The following SLC25A13 variants were observed in gnomAD, a reference collection of about 807,000 sequenced individuals.
SLC25A13 encodes electrogenic aspartate/glutamate antiporter SLC25A13, mitochondrial.
A neutral mutation model predicts 85.5 loss-of-function variants in SLC25A13; 70 were observed. The ratio of observed to expected loss-of-function variants is 0.82; its 90% confidence interval spans 0.68 to 1.00. The LOEUF (loss-of-function observed/expected upper bound fraction) is 1.00, where lower values mean the gene tolerates loss of function less well. SLC25A13 is among the 50% of genes least tolerant of loss of function. The pLI is 0.00. For synonymous variants in SLC25A13, 259 were observed against 288.7 expected (o/e 0.90, Z 1.04); for missense variants, 765 against 819.8 (o/e 0.93, Z 0.82).
chr7:96,223,743 G>C (rs1387282444), intron 4 of SLC25A13, among the ~76,000 whole-genome samples: 2 of 139,362 alleles, frequency 1.4e-5, no homozygotes, highest in African/African-American at 5.3e-5. Context: ...AGCCGAGATT[G>C]TGCCACTGCA....
intron 4 of SLC25A13, among the ~76,000 whole-genome samples, chr7:96,226,372 T>C (rs749505510): frequency 2.0e-5 from 3 of 152,206 alleles, no homozygotes; most frequent in Non-Finnish European, 4.4e-5. Context: ...ATTCTATGTA[T>C]ATAAATTTTC....
intron 13 of SLC25A13, among the ~76,000 whole-genome samples, chr7:96,169,334 T>C (rs1475087873): frequency 6.6e-6 from 1 of 152,148 alleles, no homozygotes; most frequent in Non-Finnish European, 1.5e-5. Context: ...AAAACCAATA[T>C]TGTATCGCCT....
intron 14 of SLC25A13, among the ~76,000 whole-genome samples, chr7:96,139,896 T>C (rs1792447997): frequency 6.6e-6 from 1 of 151,684 alleles, no homozygotes; most frequent in African/African-American, 2.4e-5. Flanking sequence ...ATTGTAATAA[T>C]GTTGCAATGA....
intron 11 of SLC25A13, among the ~76,000 whole-genome samples, chr7:96,178,748 C>T (rs1794316937): frequency 6.6e-6 from 1 of 152,176 alleles, no homozygotes; most frequent in Non-Finnish European, 1.5e-5. Context: ...ATGCCCTTCT[C>T]TCTTCACTTG....
chr7:96,134,814 A>ATATATATATATATATAT lies in SLC25A13; in HGVS notation c.1453-2934_1453-2933insATATATATATATATATA, dbSNP rs1554337570. ...AATTTTATATATATATATATATATA[A>ATATATATATATATATAT]CCCTGAGGAAAGGGTAGAATTGCAA... On this transcript the variant is annotated intron_variant, in intron 14 of 17. Transcript: ENST00000265631. 3.7e-4 allele frequency among the ~76,000 whole-genome samples: 24 copies of ATATATATATATATATAT among 64,428 alleles called. 1 individual carries two copies. The highest frequency in any genetic ancestry group is 1.8e-3 in the African/African-American group (23 of 12,842). 42.3% of individuals were successfully genotyped at this position (64,428 alleles called of 152,430 possible).
At chr7:96,151,682 C>T (rs1449220311) in intron 13 of SLC25A13, among the ~76,000 whole-genome samples, 1 of 151,914 alleles carries the variant, frequency 6.6e-6, no homozygotes, top group Non-Finnish European at 1.5e-5. Context: ...GTGACTCATG[C>T]CTGTAATCCC....
At chr7:96,164,878 T>C (rs1393958796) in intron 13 of SLC25A13, among the ~76,000 whole-genome samples, 2 of 152,182 alleles carry the variant, frequency 1.3e-5, no homozygotes, top group Admixed American at 6.5e-5. Flanking sequence ...GAATTATCAT[T>C]AAGTATGGCT....
intron 5 of SLC25A13, among the ~76,000 whole-genome samples, chr7:96,193,534 C>A (rs1368438293): frequency 6.6e-6 from 1 of 152,162 alleles, no homozygotes; most frequent in Non-Finnish European, 1.5e-5. Flanking sequence ...TGCAGATGAT[C>A]TGAGGAAAAA....
At chr7:96,121,478 T>A in intron 17 of SLC25A13, 101 bp from the exon 18 acceptor site, 1 of 1,447,868 alleles carries the variant, frequency 6.9e-7, no homozygotes, top group Non-Finnish European at 9.7e-7. Flanking sequence ...TGTAAAGGAG[T>A]TGATACATTC....
intron 3 of SLC25A13, among the ~76,000 whole-genome samples, chr7:96,251,884 T>G (rs1263006217): frequency 6.6e-6 from 1 of 152,202 alleles, no homozygotes; most frequent in East Asian, 1.9e-4. Context: ...ATAGACTGAA[T>G]GTGGGCTGTG....
intron 15 of SLC25A13, 96 bp downstream of exon 15, chr7:96,131,647 A>G (rs1792033304): frequency 2.6e-6 from 4 of 1,549,582 alleles, no homozygotes; most frequent in Admixed American, 1.7e-5. Flanking sequence ...CCTGTCAAGA[A>G]CTATCAGCAA....
intron 5 of SLC25A13, among the ~76,000 whole-genome samples, chr7:96,204,540 A>AC (rs887848920): frequency 6.6e-6 from 1 of 151,514 alleles, no homozygotes; most frequent in Non-Finnish European, 1.5e-5. Flanking sequence ...CCCTGTCTCA[A>AC]AAACAAAAAA....
intron 17 of SLC25A13, 138 bp downstream of exon 17, chr7:96,121,517 G>T: frequency 1.5e-6 from 2 of 1,378,176 alleles, no homozygotes; most frequent in Non-Finnish European, 2.1e-6. Flanking sequence ...CCTTGGAAAT[G>T]ACCTTGTTAA....
chr7:96,195,992 G>C (rs1170432574), intron 5 of SLC25A13, among the ~76,000 whole-genome samples: 2 of 152,166 alleles, frequency 1.3e-5, no homozygotes, highest in Admixed American at 1.3e-4. Flanking sequence ...TTGAAGTCCT[G>C]TAAGCATCTA....
chr7:96,172,548 C>G (rs976631085), intron 11 of SLC25A13, among the ~76,000 whole-genome samples: 1 of 151,304 alleles, frequency 6.6e-6, no homozygotes, highest in Non-Finnish European at 1.5e-5. Context: ...TGGAGCGAGA[C>G]TCTGCCTCAA....
intron 14 of SLC25A13, among the ~76,000 whole-genome samples, chr7:96,132,755 T>C (rs1792088544): frequency 6.6e-6 from 1 of 152,134 alleles, no homozygotes; most frequent in South Asian, 2.1e-4. Flanking sequence ...TAACTAAAAA[T>C]TTCCACCAAA....
chr7:96,146,957 C>T (rs1038644865), intron 13 of SLC25A13, among the ~76,000 whole-genome samples: 13 of 152,130 alleles, frequency 8.5e-5, no homozygotes, highest in African/African-American at 3.1e-4. Context: ...TCCCCAAGTC[C>T]TCACACTGAA....
At position 96,146,567 on chromosome 7, in the gene SLC25A13, C is replaced by CA. The variant is rs2116481374; in HGVS notation, c.1440dup (p.Gly481TrpfsTer34). 1.9e-6 allele frequency: 3 copies of CA among 1,613,200 alleles called. No homozygotes were observed. Among genetic ancestry groups the CA allele is most frequent in the Non-Finnish European group, 2.5e-6 (3 of 1,179,824 alleles). ...AAAAAAAAAGTTACCTTGTAGATCC[C>CA]AAAAAACCCCAGGTCCCGCACGACA... On this transcript the variant is annotated frameshift_variant, in exon 14 of 18. Transcript: ENST00000265631. LOFTEE classifies it high-confidence loss of function.
At position 96,123,043 on chromosome 7, in the gene SLC25A13, G is replaced by A. The variant is rs1584336342; in HGVS notation, c.1592-1046C>T. 2.0e-5 allele frequency among the ~76,000 whole-genome samples: 3 copies of A among 152,102 alleles called. No homozygotes were observed. The South Asian group carries it at 6.2e-4, about 32-fold the overall frequency. Reference sequence around the variant, plus strand: ...GCTTTAAAGTTACAGTGAGTTGGAAGGGGGGTGTAAATCTGCATACTACAC... The same window carrying A: ...GCTTTAAAGTTACAGTGAGTTGGAAAGGGGGTGTAAATCTGCATACTACAC... On this transcript the variant is annotated intron_variant, in intron 15 of 17. Transcript: ENST00000265631.
Sources: allele counts gnomAD v4.1 joint callset (sites outside exome capture counted in the v4.1 genomes callset), GRCh38; gene constraint gnomAD v4.1.1; transcripts MANE v1.5; gene names NCBI Gene and HGNC (gene_info 2026-07-23, HGNC 2026-07-21).